RBMS3: variants seen among roughly 807,000 people sequenced by gnomAD.
RBMS3 encodes RNA-binding motif, single-stranded-interacting protein 3.
RBMS3 carries 27 observed loss-of-function variants against 66.8 expected under a neutral mutation model. The ratio of observed to expected loss-of-function variants is 0.40; its 90% CI spans 0.30 to 0.56. The LOEUF (loss-of-function observed/expected upper bound fraction) is 0.56. Among genes scored for constraint, RBMS3 ranks in the 20% least tolerant of loss-of-function variants. The probability of loss-of-function intolerance (pLI) is 0.40; values close to 1 mark genes in which losing one functional copy is unlikely to be tolerated. For missense variants in RBMS3, 513 were observed against 549.5 expected (o/e 0.93, Z 0.66); for synonymous variants, 188 against 183.0 (o/e 1.03, Z -0.22).
intron 1 of RBMS3, among the ~76,000 whole-genome samples, chr3:29,353,760 G>T (rs1286549562): frequency 1.3e-5 from 2 of 151,986 alleles, no homozygotes; most frequent in African/African-American, 2.4e-5. Flanking sequence ...CTACCAAGGG[G>T]CATATGGACT....
chr3:29,416,976 G>T (rs1363617869), intron 1 of RBMS3, among the ~76,000 whole-genome samples: 1 of 151,620 alleles, frequency 6.6e-6, no homozygotes, highest in East Asian at 1.9e-4. Context: ...ACTATCACTA[G>T]AAAAAAAAGT....
intron 1 of RBMS3, among the ~76,000 whole-genome samples, chr3:29,317,829 T>C (rs1181960116): frequency 6.6e-6 from 1 of 151,780 alleles, no homozygotes; most frequent in African/African-American, 2.4e-5. Context: ...ACTACACTCG[T>C]TTCACCCACT....
intron 4 of RBMS3, among the ~76,000 whole-genome samples, chr3:29,729,991 A>G (rs985291281): frequency 6.6e-6 from 1 of 152,072 alleles, no homozygotes; most frequent in African/African-American, 2.4e-5. Flanking sequence ...ATTTTTTCAT[A>G]TAGTAGGCAG....
intron 1 of RBMS3, among the ~76,000 whole-genome samples, chr3:29,289,705 T>A (rs1009708294): frequency 4.0e-5 from 6 of 151,856 alleles, no homozygotes; most frequent in Non-Finnish European, 8.8e-5. Context: ...AATAGTGCCC[T>A]TTCCTGTTGT....
chr3:29,810,267 C>T (rs1437421805), intron 6 of RBMS3, among the ~76,000 whole-genome samples: 1 of 152,044 alleles, frequency 6.6e-6, no homozygotes, highest in Non-Finnish European at 1.5e-5. Context: ...GCTCTAACAA[C>T]ATTCTCTACA....
chr3:29,417,864 C>T (rs17722536), intron 1 of RBMS3, among the ~76,000 whole-genome samples: 26,360 of 152,056 alleles, frequency 0.17, 2,798 homozygotes, highest in Non-Finnish European at 0.25. Context: ...AAGGAATTGT[C>T]TATCGTTTAT....
At chr3:29,698,733 A>T (rs1576551866) in intron 4 of RBMS3, 2 of 467,650 alleles carry the variant, frequency 4.3e-6, no homozygotes, top group African/African-American at 2.1e-5. Context: ...ATGTTTATTA[A>T]GGAGAGGACA....
intron 2 of RBMS3, among the ~76,000 whole-genome samples, chr3:29,461,124 G>A (rs2042354532): frequency 6.6e-6 from 1 of 152,112 alleles, no homozygotes; most frequent in Non-Finnish European, 1.5e-5. Flanking sequence ...CCTTGTTAAT[G>A]ATTTACCATA....
In RBMS3 at chr3:29,897,236, AATCTCCT is replaced by A. The variant is rs3841579; in HGVS notation, c.792-141_792-135del. 9.3e-3 allele frequency: 6,140 copies of A among 662,626 alleles called. 244 individuals are homozygous for A. The Admixed American group carries it at 0.1, about 11-fold the overall frequency. 41.0% of individuals were successfully genotyped at this position (662,626 alleles called of 1,614,324 possible). A position where few individuals can be genotyped will look rare whatever the true frequency, so the allele number is the denominator to read the frequency against. ...TCTCTTAGTGGAATCAAATAATGTA[AATCTCCT>A]AGACGTTCTTGTTAATGGTTGGTGG... is the stretch of plus-strand genomic sequence containing the variant. On this transcript the variant is annotated intron_variant, in intron 8 of 14. Coordinates refer to ENST00000383767, the MANE Select transcript of RBMS3 (RefSeq NM_001003793.3).
At chr3:29,846,107 T>C (rs1326319857) in intron 6 of RBMS3, among the ~76,000 whole-genome samples, 2 of 152,102 alleles carry the variant, frequency 1.3e-5, no homozygotes, top group East Asian at 1.9e-4. Context: ...GTGGAACTAT[T>C]CAAGGTTTTC....
intron 6 of RBMS3, among the ~76,000 whole-genome samples, chr3:29,862,694 A>T (rs2149537279): frequency 6.6e-6 from 1 of 152,010 alleles, no homozygotes; most frequent in Non-Finnish European, 1.5e-5. Context: ...CGAGAGTGAA[A>T]TTAGCTAAGT....
At chr3:29,844,520 A>C (rs975382677) in intron 6 of RBMS3, among the ~76,000 whole-genome samples, 1 of 152,196 alleles carries the variant, frequency 6.6e-6, no homozygotes, top group Non-Finnish European at 1.5e-5. Flanking sequence ...TCTAATCTAA[A>C]CTTTCTCCAG....
At chr3:29,776,588 A>G (rs546232724) in intron 6 of RBMS3, among the ~76,000 whole-genome samples, 2 of 152,084 alleles carry the variant, frequency 1.3e-5, no homozygotes, top group African/African-American at 4.8e-5. Context: ...TAACTGAGAG[A>G]TTTTCTATAG....
chr3:29,628,957 C>T (rs961654005), intron 4 of RBMS3, among the ~76,000 whole-genome samples: 5 of 152,016 alleles, frequency 3.3e-5, no homozygotes, highest in African/African-American at 1.2e-4. Flanking sequence ...TCAAGACCAT[C>T]GTTGACACAG....
intron 10 of RBMS3, among the ~76,000 whole-genome samples, chr3:29,910,949 AC>A (rs2060499403): frequency 6.6e-6 from 1 of 152,020 alleles, no homozygotes; most frequent in Non-Finnish European, 1.5e-5. Context: ...TAGGAATTAA[AC>A]GTACATTTTT....
chr3:29,424,689 C>G (rs2040875620), intron 1 of RBMS3, among the ~76,000 whole-genome samples: 1 of 152,124 alleles, frequency 6.6e-6, no homozygotes, highest in South Asian at 2.1e-4. Flanking sequence ...AAACCTGATA[C>G]TATTTTGTGT....
At chr3:29,706,500 A>G (rs1443087253) in intron 4 of RBMS3, among the ~76,000 whole-genome samples, 2 of 152,128 alleles carry the variant, frequency 1.3e-5, no homozygotes, top group East Asian at 3.9e-4. Flanking sequence ...TGAAGAGGGG[A>G]GAGCTGTCTA....
At chr3:29,303,533 T>C (rs900539533) in intron 1 of RBMS3, among the ~76,000 whole-genome samples, 1 of 152,044 alleles carries the variant, frequency 6.6e-6, no homozygotes, top group Non-Finnish European at 1.5e-5. Flanking sequence ...TGAACTTTCA[T>C]TGAATTTCCC....
At chr3:29,729,775 C>A (rs1031455089) in intron 4 of RBMS3, among the ~76,000 whole-genome samples, 1 of 151,572 alleles carries the variant, frequency 6.6e-6, no homozygotes, top group Non-Finnish European at 1.5e-5. Context: ...AAAACTACTT[C>A]AAAGTTCATA....
Sources: gnomAD v4.1 joint callset for allele counts (sites outside exome capture counted in the v4.1 genomes callset) on GRCh38, gnomAD v4.1.1 for gene constraint, MANE v1.5 for transcripts, NCBI Gene and HGNC (gene_info 2026-07-23, HGNC 2026-07-21) for gene names.